PITPNA: variants seen among roughly 807,000 people sequenced by gnomAD.
PITPNA encodes the protein phosphatidylinositol transfer protein alpha, also known as phosphatidylinositol transfer protein alpha isoform.
A neutral mutation model predicts 50.3 loss-of-function variants in PITPNA; 13 were observed. The ratio of observed to expected loss-of-function variants is 0.26; its 90% CI spans 0.17 to 0.41. The LOEUF (loss-of-function observed/expected upper bound fraction) is 0.41, where lower values mean the gene tolerates loss of function less well. Ranked by LOEUF, PITPNA falls within the 10% of genes least tolerant of loss-of-function variation. The pLI is 1.00. For synonymous variants in PITPNA, 120 were observed against 119.6 expected, an observed-to-expected ratio of 1.00 and a Z score of -0.02; for missense variants, 207 against 333.4, an observed-to-expected ratio of 0.62 and a Z score of 2.95.
chr17:1,524,631 C>T (rs974041208), intron 10 of PITPNA, among the ~76,000 whole-genome samples: 1 of 151,796 alleles, frequency 6.6e-6, no homozygotes, highest in Non-Finnish European at 1.5e-5. Context: ...TTAAGATGTG[C>T]GGTCAGGAGT....
Position 1,535,201 on chromosome 17 carries a change from A to C in PITPNA, c.626T>G (p.Val209Gly). 1 of 1,612,022 alleles carries C rather than the reference A, an allele frequency of 6.2e-7. No homozygotes were observed. Among genetic ancestry groups the C allele is most frequent in the Non-Finnish European group, 8.5e-7 (1 of 1,178,074 alleles). Residue 209 changes from valine (V) to glycine (G), a missense_variant, in exon 9 of 12, where the codon GTG becomes GGG. By Grantham distance (109) the Val-to-Gly change is moderately radical. Transcript: ENST00000313486. ...ACTTACCTTATGGATGAAGTTCTCC[A>C]CTTTGTTCTGCAGGCCCCACCACTT... ...KFKWWGLQNK[V>G]ENFIHKQERR...
At chr17:1,521,326 GA>G (rs1332392060) in intron 11 of PITPNA, among the ~76,000 whole-genome samples, 1 of 150,444 alleles carries the variant, frequency 6.6e-6, no homozygotes, top group African/African-American at 2.5e-5. Context: ...CGCAGCAGAT[GA>G]ACTCCCCTTC....
At chr17:1,526,978 G>A (rs1171815933) in intron 10 of PITPNA, among the ~76,000 whole-genome samples, 3 of 152,004 alleles carry the variant, frequency 2.0e-5, no homozygotes, top group African/African-American at 4.8e-5. Flanking sequence ...GGCTGGTCTC[G>A]AACTCCTGAC....
chr17:1,524,899 G>A (rs1263739955), intron 10 of PITPNA, among the ~76,000 whole-genome samples: 4 of 152,134 alleles, frequency 2.6e-5, no homozygotes, highest in Non-Finnish European at 5.9e-5. Context: ...CAGAGTGCCT[G>A]ACGTGGAGTA....
Position 1,556,403 on chromosome 17 carries a change from C to T in PITPNA, c.51+2126G>A, listed in dbSNP as rs560930816. On this transcript the variant is annotated intron_variant, in intron 2 of 11. Transcript: ENST00000313486. ...GCAGAAAAACCATCACAAGTGAACACCCGCCAACTGTGGATGCTCTCAAGG... is the reference window on the plus strand; with the variant it reads ...GCAGAAAAACCATCACAAGTGAACATCCGCCAACTGTGGATGCTCTCAAGG... Among the ~76,000 whole-genome samples the T allele has an allele frequency of 2.0e-5, 3 of 152,272 alleles. No individual in the cohort carries two copies. In the South Asian group the frequency reaches 6.2e-4, roughly 32 times the overall value.
At chr17:1,528,115 C>T (rs2075558945) in intron 10 of PITPNA, among the ~76,000 whole-genome samples, 1 of 152,152 alleles carries the variant, frequency 6.6e-6, no homozygotes, top group African/African-American at 2.4e-5. Context: ...CAGTTGAATC[C>T]AAGCGTTTCA....
At chr17:1,529,062 C>T (rs1317639337) in intron 10 of PITPNA, among the ~76,000 whole-genome samples, 3 of 147,696 alleles carry the variant, frequency 2.0e-5, no homozygotes, top group South Asian at 2.2e-4. Flanking sequence ...GGTGTGAACC[C>T]GGGAGGCAGA....
At chr17:1,530,704 G>A (rs1277419154) in intron 10 of PITPNA, among the ~76,000 whole-genome samples, 1 of 150,792 alleles carries the variant, frequency 6.6e-6, no homozygotes, top group African/African-American at 2.5e-5. Flanking sequence ...TGACAGTAAA[G>A]GAATTTAAAA....
At position 1,518,316 on chromosome 17, in the gene PITPNA, A is replaced by C. The variant is rs2075482799; in HGVS notation, c.*2245T>G. 1 of 152,610 alleles carries C rather than the reference A, an allele frequency of 6.6e-6. No individual in the cohort carries two copies. The highest frequency in any genetic ancestry group is 2.4e-5 in the African/African-American group (1 of 41,436). 9.5% of individuals were successfully genotyped at this position (152,610 alleles called of 1,614,324 possible). A position where few individuals can be genotyped will look rare whatever the true frequency, so the allele number is the denominator to read the frequency against. On this transcript the variant is annotated 3_prime_UTR_variant, in exon 12 of 12. Coordinates refer to ENST00000313486, the MANE Select transcript of PITPNA (RefSeq NM_006224.4). Reference sequence around the variant, plus strand: ...GGCTGTGACCCTGGAATTCTGATGGAAGCAGCTGGTCTGAAGGGGCATGGC... The same window carrying C: ...GGCTGTGACCCTGGAATTCTGATGGCAGCAGCTGGTCTGAAGGGGCATGGC...
intron 3 of PITPNA, among the ~76,000 whole-genome samples, chr17:1,551,516 C>T (rs3785965): frequency 0.096 from 14,622 of 152,022 alleles, 874 homozygotes; most frequent in East Asian, 0.14. Context: ...TGGTCTCAAA[C>T]TCCTGACCTC....
chr17:1,536,550 C>A (rs7219166), intron 7 of PITPNA, among the ~76,000 whole-genome samples: 8,382 of 151,720 alleles, frequency 0.055, 772 homozygotes, highest in African/African-American at 0.19. Flanking sequence ...TGGCCTCCCA[C>A]AGTGCTGGGA....
intron 4 of PITPNA, among the ~76,000 whole-genome samples, chr17:1,547,084 GCA>G (rs141871716): frequency 0.045 from 6,796 of 151,892 alleles, 192 homozygotes; most frequent in Non-Finnish European, 0.067. Context: ...CTTAGGCCAG[GCA>G]CAGTGGCTCA....
At chr17:1,555,261 C>G (rs532835113) in intron 2 of PITPNA, among the ~76,000 whole-genome samples, 1 of 152,340 alleles carries the variant, frequency 6.6e-6, no homozygotes, top group South Asian at 2.1e-4. Context: ...AGCCTGTTGG[C>G]TGGCATCTTC....
chr17:1,542,899 C>T, intron 5 of PITPNA, 121 bp downstream of exon 5: 2 of 726,094 alleles, frequency 2.8e-6, no homozygotes, highest in Non-Finnish European at 4.7e-6. Context: ...CAGGACTGAG[C>T]CTCAGCAACT....
intron 1 of PITPNA, chr17:1,561,188 G>C (rs973600102): frequency 6.6e-6 from 1 of 152,252 alleles, no homozygotes; most frequent in Admixed American, 6.5e-5. Context: ...AAAATGTCCT[G>C]TGATGCTTAC....
At chr17:1,546,156 T>C (rs1041643912) in intron 4 of PITPNA, among the ~76,000 whole-genome samples, 5 of 152,058 alleles carry the variant, frequency 3.3e-5, no homozygotes, top group Admixed American at 6.6e-5. Context: ...CTTGAACTCC[T>C]GACCTCAAGT....
chr17:1,524,211 AT>A (rs1410218406), intron 10 of PITPNA, among the ~76,000 whole-genome samples: 13 of 150,018 alleles, frequency 8.7e-5, no homozygotes, highest in African/African-American at 2.7e-4. Context: ...CGCCCGGCTA[AT>A]TTTTTGTGTT....
rs1374503907 is a variant in PITPNA, at chr17:1,540,662, C to T, written c.372+904G>A. Among the ~76,000 whole-genome samples the T allele has an allele frequency of 2.6e-5, 4 of 151,670 alleles. No homozygotes were observed. In the East Asian group the frequency reaches 7.7e-4, roughly 29 times the overall value. On this transcript the variant is annotated intron_variant, in intron 6 of 11. Transcript: ENST00000313486. Reference sequence around the variant, plus strand: ...GGAGTACAGTGGCGTGATCTCGGCTCACTGCAAGCTTCGACTCCCGGGTTC... The same window carrying T: ...GGAGTACAGTGGCGTGATCTCGGCTTACTGCAAGCTTCGACTCCCGGGTTC...
intron 10 of PITPNA, among the ~76,000 whole-genome samples, chr17:1,525,810 G>A (rs1482417426): frequency 4.6e-5 from 7 of 152,210 alleles, no homozygotes; most frequent in African/African-American, 1.7e-4. Flanking sequence ...GAGCCATCAC[G>A]CATGGCCAGC....
Sources: allele counts gnomAD v4.1 joint callset (sites outside exome capture counted in the v4.1 genomes callset), GRCh38; gene constraint gnomAD v4.1.1; transcripts MANE v1.5; gene names NCBI Gene and HGNC (gene_info 2026-07-23, HGNC 2026-07-21).